ATE1: variants seen among roughly 807,000 people sequenced by gnomAD.
The protein encoded by ATE1 is arginyltransferase 1, also known as arginyl-tRNA--protein transferase 1.
A neutral mutation model predicts 70.5 loss-of-function variants in ATE1; 36 were observed. The ratio of observed to expected loss-of-function variants is 0.51; its 90% CI spans 0.39 to 0.67. ATE1 has a LOEUF of 0.67. Ranked by LOEUF, ATE1 falls within the 30% of genes least tolerant of loss-of-function variation. The pLI is 0.00. For synonymous variants in ATE1, 232 were observed against 219.3 expected, an observed-to-expected ratio of 1.06 and a Z score of -0.51; for missense variants, 593 against 629.5, an observed-to-expected ratio of 0.94 and a Z score of 0.62.
chr10:121,821,057 T>A, intron 10 of ATE1, among the ~76,000 whole-genome samples: 1 of 152,224 alleles, frequency 6.6e-6, no homozygotes, highest in Non-Finnish European at 1.5e-5. Context: ...TTCTCCCGCC[T>A]CGGCCTCCCG....
At chr10:121,904,317 T>C (rs1246787329) in intron 5 of ATE1, among the ~76,000 whole-genome samples, 1 of 151,674 alleles carries the variant, frequency 6.6e-6, no homozygotes, top group East Asian at 2.0e-4. Flanking sequence ...CTAGTAATTT[T>C]TTAGAAGATA....
chr10:121,924,964 T>C (rs998645548), intron 1 of ATE1, among the ~76,000 whole-genome samples: 1 of 152,220 alleles, frequency 6.6e-6, no homozygotes, highest in African/African-American at 2.4e-5. Context: ...CTTTAATAAA[T>C]ATCCCCAATG....
intron 8 of ATE1, among the ~76,000 whole-genome samples, chr10:121,851,740 C>A (rs12360105): frequency 6.6e-6 from 1 of 152,178 alleles, no homozygotes; most frequent in African/African-American, 2.4e-5. Context: ...TGCAGTTTTG[C>A]ATATTTTGGA....
At chr10:121,886,063 T>C (rs1416100720) in intron 7 of ATE1, among the ~76,000 whole-genome samples, 1 of 152,138 alleles carries the variant, frequency 6.6e-6, no homozygotes, top group Non-Finnish European at 1.5e-5. Context: ...GGCATTTCCC[T>C]TGATTGTCAT....
intron 5 of ATE1, among the ~76,000 whole-genome samples, chr10:121,908,692 T>C (rs1951299294): frequency 6.6e-6 from 1 of 152,178 alleles, no homozygotes; most frequent in South Asian, 2.1e-4. Flanking sequence ...ACCCAGACAT[T>C]ACACATCTCC....
intron 11 of ATE1, among the ~76,000 whole-genome samples, chr10:121,784,794 G>A (rs1171642835): frequency 2.0e-5 from 3 of 152,146 alleles, no homozygotes; most frequent in African/African-American, 7.2e-5. Flanking sequence ...GGGAGGTAGA[G>A]GCTACAGTGA....
chr10:121,928,435 C>T (rs1952195174), upstream of ATE1: 2 of 1,519,654 alleles, frequency 1.3e-6, no homozygotes, highest in Non-Finnish European at 8.8e-7. Context: ...ACGCCATGGC[C>T]GCCGCGAGGG....
chr10:121,896,428 G>C (rs1327849553), intron 7 of ATE1, among the ~76,000 whole-genome samples: 1 of 152,204 alleles, frequency 6.6e-6, no homozygotes, highest in Non-Finnish European at 1.5e-5. Context: ...GAGGCTAGTT[G>C]AAGACTGCTG....
At chr10:121,830,021 C>T (rs1406554594) in intron 10 of ATE1, among the ~76,000 whole-genome samples, 1 of 152,198 alleles carries the variant, frequency 6.6e-6, no homozygotes, top group Non-Finnish European at 1.5e-5. Flanking sequence ...CTTCAATTTG[C>T]AATGAGGAAC....
intron 8 of ATE1, among the ~76,000 whole-genome samples, chr10:121,849,311 T>C (rs548529020): frequency 2.0e-5 from 3 of 152,360 alleles, no homozygotes; most frequent in African/African-American, 7.2e-5. Context: ...TTACTTGTTG[T>C]ACCAGCTTGA....
chr10:121,914,691 C>CG (rs1275211246), intron 3 of ATE1, among the ~76,000 whole-genome samples: 1 of 152,098 alleles, frequency 6.6e-6, no homozygotes, highest in African/African-American at 2.4e-5. Flanking sequence ...GATGACTAGA[C>CG]GACTCCCTAC....
chr10:121,821,532 C>T (rs1343543189), intron 10 of ATE1, among the ~76,000 whole-genome samples: 1 of 152,078 alleles, frequency 6.6e-6, no homozygotes, highest in African/African-American at 2.4e-5. Context: ...TATAAATGGT[C>T]GATACACATG....
At chr10:121,744,121 C>T (rs552961991) in intron 11 of ATE1, among the ~76,000 whole-genome samples, 2 of 151,676 alleles carry the variant, frequency 1.3e-5, no homozygotes, top group South Asian at 4.2e-4. Context: ...TGGGATTTCA[C>T]CATGTTGGCC....
chr10:121,828,829 A>G (rs1948124508), intron 10 of ATE1, among the ~76,000 whole-genome samples: 1 of 152,226 alleles, frequency 6.6e-6, no homozygotes, highest in Admixed American at 6.5e-5. Flanking sequence ...AAGATCAGGT[A>G]AATGAGCTCT....
At chr10:121,792,458 A>G (rs938439436) in intron 10 of ATE1, among the ~76,000 whole-genome samples, 5 of 152,178 alleles carry the variant, frequency 3.3e-5, no homozygotes. Flanking sequence ...TGGAGTGCTC[A>G]CTGCACTGTT....
intron 7 of ATE1, among the ~76,000 whole-genome samples, chr10:121,891,004 T>G (rs753750697): frequency 1.8e-4 from 27 of 152,220 alleles, no homozygotes; most frequent in Non-Finnish European, 3.2e-4. Flanking sequence ...GGCTCCACTG[T>G]CTGAGGTATA....
In ATE1 at chr10:121,927,015, TG is replaced by T. The variant is rs1952119789; in HGVS notation, c.106+828del. The T allele has an allele frequency of 7.1e-6, 7 of 985,336 alleles. No homozygotes were observed. In the South Asian group the frequency reaches 3.3e-4, roughly 46 times the overall value. 61.0% of individuals were successfully genotyped at this position (985,336 alleles called of 1,614,324 possible). On this transcript the variant is annotated intron_variant, in intron 1 of 11. Transcript: ENST00000224652. ...TTACACCTTTTTCATGGAAAATGCC[TG>T]TGTGTTTTCATGCGAATCTCGTTTT...
At chr10:121,805,738 C>T (rs1204325828) in intron 10 of ATE1, among the ~76,000 whole-genome samples, 1 of 152,050 alleles carries the variant, frequency 6.6e-6, no homozygotes, top group African/African-American at 2.4e-5. Context: ...TTTTAAAATC[C>T]TTAACGTTTG....
chr10:121,891,365 GTT>G (rs1338079451), intron 7 of ATE1, among the ~76,000 whole-genome samples: 2 of 152,118 alleles, frequency 1.3e-5, no homozygotes, highest in East Asian at 3.9e-4. Context: ...TTACATGGAG[GTT>G]ACCAGGATGC....
Sources: gnomAD v4.1 joint callset for allele counts (sites outside exome capture counted in the v4.1 genomes callset) on GRCh38, gnomAD v4.1.1 for gene constraint, MANE v1.5 for transcripts, NCBI Gene and HGNC (gene_info 2026-07-23, HGNC 2026-07-21) for gene names.